The following KDM4C variants were observed in gnomAD, a reference collection of about 807,000 sequenced individuals.
KDM4C encodes lysine demethylase 4C, also known as lysine-specific demethylase 4C.
In KDM4C, 81 loss-of-function variants were observed where a neutral mutation model predicts 129.3. That is an observed-to-expected ratio of 0.63 (90% CI 0.52 to 0.75). KDM4C has a LOEUF of 0.75. Among genes scored for constraint, KDM4C ranks in the 30% least tolerant of loss-of-function variants. The probability of loss-of-function intolerance (pLI) is 0.00; values close to 1 mark genes in which losing one functional copy is unlikely to be tolerated. For missense variants in KDM4C, 1,457 were observed against 1,304.0 expected, an observed-to-expected ratio of 1.12 and a Z score of -1.81; for synonymous variants, 573 against 456.1, an observed-to-expected ratio of 1.26 and a Z score of -3.26.
At chr9:7,076,371 T>C (rs1570511) in intron 17 of KDM4C, 745,932 of 1,172,860 alleles carry the variant, frequency 0.64, 238,687 homozygotes, top group South Asian at 0.68. Context: ...CCCATGCTAT[T>C]TTCACTATAA....
intron 18 of KDM4C, among the ~76,000 whole-genome samples, chr9:7,111,865 T>A (rs1177694186): frequency 6.6e-6 from 1 of 152,170 alleles, no homozygotes; most frequent in Non-Finnish European, 1.5e-5. Flanking sequence ...AGGGAAATGT[T>A]CTTGGCTAAA....
chr9:6,745,788 A>G (rs981113399), intron 1 of KDM4C, among the ~76,000 whole-genome samples: 1 of 149,502 alleles, frequency 6.7e-6, no homozygotes, highest in East Asian at 2.0e-4. Flanking sequence ...AGTGCATGCC[A>G]CCATGCCTGG....
In KDM4C at chr9:6,888,058, G is replaced by T; in HGVS notation, c.778G>T (p.Asp260Tyr). 1 of 1,522,438 alleles carries T rather than the reference G, an allele frequency of 6.6e-7. No homozygotes were observed. The highest frequency in any genetic ancestry group is 9.1e-7 in the Non-Finnish European group (1 of 1,101,450). 94.3% of individuals were successfully genotyped at this position (1,522,438 alleles called of 1,614,324 possible). ...ATTGAAGAAATATGGTATTCCCTTT[G>T]ACAAGGTATGTTAGTATTCATCTTA... ...SVLKKYGIPF[D>Y]KITQEAGEFM... The change falls in exon 7 of 22, where the codon GAC becomes TAC. Residue 260 changes from aspartate to tyrosine, a missense_variant. Physicochemically the swap from Asp to Tyr is radical, Grantham distance 160. Coordinates refer to ENST00000381309, the MANE Select transcript of KDM4C (RefSeq NM_015061.6).
intron 8 of KDM4C, among the ~76,000 whole-genome samples, chr9:6,964,467 C>T (rs1345929532): frequency 1.3e-5 from 2 of 152,132 alleles, no homozygotes; most frequent in Non-Finnish European, 2.9e-5. Context: ...ATATGTGCCA[C>T]ATTTTCTTAA....
intron 4 of KDM4C, among the ~76,000 whole-genome samples, chr9:6,842,578 C>A (rs1008758905): frequency 1.3e-5 from 2 of 151,920 alleles, no homozygotes; most frequent in Non-Finnish European, 2.9e-5. Context: ...CCAGGTGATC[C>A]GTCTGCCTTG....
chr9:6,832,926 G>T (rs1016508025), intron 4 of KDM4C, among the ~76,000 whole-genome samples: 1 of 150,114 alleles, frequency 6.7e-6, no homozygotes, highest in Non-Finnish European at 1.5e-5. Context: ...AGTAGAGATG[G>T]GGTTTCACCA....
intron 5 of KDM4C, among the ~76,000 whole-genome samples, chr9:6,858,176 C>G (rs762525540): frequency 2.0e-5 from 3 of 152,092 alleles, no homozygotes; most frequent in African/African-American, 7.2e-5. Context: ...ACAGAAGACT[C>G]AGGGCAAAAT....
intron 17 of KDM4C, among the ~76,000 whole-genome samples, chr9:7,054,068 C>G (rs999405877): frequency 3.9e-5 from 6 of 152,198 alleles, no homozygotes; most frequent in African/African-American, 1.4e-4. Context: ...GAAAAGTTAT[C>G]CTTGTGGCAA....
At chr9:7,057,384 C>A (rs1453634009) in intron 17 of KDM4C, among the ~76,000 whole-genome samples, 1 of 152,228 alleles carries the variant, frequency 6.6e-6, no homozygotes, top group Non-Finnish European at 1.5e-5. Flanking sequence ...TCATCTATAT[C>A]ATGCTTTAGA....
intron 17 of KDM4C, among the ~76,000 whole-genome samples, chr9:7,083,063 C>G (rs1348705296): frequency 6.6e-6 from 1 of 152,162 alleles, no homozygotes; most frequent in Non-Finnish European, 1.5e-5. Context: ...TCTCTGTGTT[C>G]ATAAGCCTGG....
intron 8 of KDM4C, among the ~76,000 whole-genome samples, chr9:6,962,548 G>C (rs1474884864): frequency 6.6e-6 from 1 of 152,052 alleles, no homozygotes; most frequent in Non-Finnish European, 1.5e-5. Flanking sequence ...AAAGGAACAA[G>C]AAATCCTATA....
intron 1 of KDM4C, among the ~76,000 whole-genome samples, chr9:6,792,740 G>T (rs940768965): frequency 6.6e-6 from 1 of 152,146 alleles, no homozygotes; most frequent in Non-Finnish European, 1.5e-5. Context: ...AGTATAGTCA[G>T]ATCAGTGGTT....
At position 7,170,867 on chromosome 9, in the gene KDM4C, G is replaced by T. The variant is rs1844883958; in HGVS notation, c.2994+977G>T. The T allele has an allele frequency of 5.3e-6, 3 of 571,272 alleles. No individual in the cohort carries two copies. In the South Asian group the frequency reaches 2.4e-4, roughly 46 times the overall value. 35.4% of individuals were successfully genotyped at this position (571,272 alleles called of 1,614,324 possible). A position where few individuals can be genotyped will look rare whatever the true frequency, so the allele number is the denominator to read the frequency against. On this transcript the variant is annotated intron_variant, in intron 21 of 21. Transcript: ENST00000381309. ...TCCCTGGGCCATACTTGAAGAAGAA[G>T]AATTGTCTTTGGCCTCACATAAACT...
At chr9:6,928,024 G>T (rs1003895893) in intron 8 of KDM4C, among the ~76,000 whole-genome samples, 2 of 152,166 alleles carry the variant, frequency 1.3e-5, no homozygotes, top group African/African-American at 4.8e-5. Context: ...GTTGGAAAGA[G>T]TTGCTGTACT....
chr9:7,096,513 C>G (rs1205430404), intron 17 of KDM4C, among the ~76,000 whole-genome samples: 1 of 152,108 alleles, frequency 6.6e-6, no homozygotes. Context: ...TGCCCTTATT[C>G]CTGTGCCAAG....
intron 19 of KDM4C, among the ~76,000 whole-genome samples, chr9:7,144,176 AT>A (rs537303263): frequency 4.7e-5 from 7 of 150,476 alleles, no homozygotes; most frequent in Non-Finnish European, 7.4e-5. Context: ...GTCTCAAACT[AT>A]TGGGCTCAAG....
intron 21 of KDM4C, chr9:7,170,856 T>C (rs538248051): frequency 1.4e-6 from 1 of 702,434 alleles, no homozygotes; most frequent in East Asian, 1.4e-4. Context: ...TGGGCCATAC[T>C]TGAAGAAGAA....
At chr9:7,097,164 C>G (rs1836535380) in intron 17 of KDM4C, among the ~76,000 whole-genome samples, 1 of 152,124 alleles carries the variant, frequency 6.6e-6, no homozygotes, top group Non-Finnish European at 1.5e-5. Context: ...TTTCTTATTC[C>G]TTTAAAACCC....
chr9:7,073,821 G>C (rs1285100873), intron 17 of KDM4C, among the ~76,000 whole-genome samples: 1 of 152,138 alleles, frequency 6.6e-6, no homozygotes, highest in East Asian at 1.9e-4. Context: ...AGATCTGTTG[G>C]AAAGCTTTGA....
Sources: allele counts gnomAD v4.1 joint callset (sites outside exome capture counted in the v4.1 genomes callset), GRCh38; gene constraint gnomAD v4.1.1; transcripts MANE v1.5; gene names NCBI Gene and HGNC (gene_info 2026-07-23, HGNC 2026-07-21).